Variants in HECTD4 observed in about 807,000 individuals in gnomAD.
The protein encoded by HECTD4 is HECT domain E3 ubiquitin protein ligase 4.
Under a neutral mutation model 471.5 loss-of-function variants are expected in HECTD4, and 114 were observed. That is an observed-to-expected ratio of 0.24 (90% CI 0.21 to 0.28). HECTD4 has a LOEUF of 0.28. Ranked by LOEUF, HECTD4 falls within the 10% of genes least tolerant of loss-of-function variation. The probability of loss-of-function intolerance (pLI) is 1.00; values close to 1 mark genes in which losing one functional copy is unlikely to be tolerated. For missense variants in HECTD4, 3,866 were observed against 5,651.5 expected (o/e 0.68, Z 10.13); for synonymous variants, 2,012 against 2,256.0 (o/e 0.89, Z 3.07).
At chr12:112,343,858 G>C (rs1377467998) in intron 1 of HECTD4, among the ~76,000 whole-genome samples, 1 of 152,124 alleles carries the variant, frequency 6.6e-6, no homozygotes, top group Non-Finnish European at 1.5e-5. Flanking sequence ...AAAAAATAAA[G>C]AGGCTGAGTG....
chr12:112,170,932 T>C, intron 68 of HECTD4, 185 bp downstream of exon 68: 1 of 543,944 alleles, frequency 1.8e-6, no homozygotes, highest in Non-Finnish European at 3.2e-6. Context: ...ACTTTTATAA[T>C]TAAAGTAACT....
At chr12:112,334,637 C>CAAAAAAAAAAA (rs869292531) in intron 1 of HECTD4, among the ~76,000 whole-genome samples, 14 of 45,226 alleles carry the variant, frequency 3.1e-4, no homozygotes, top group South Asian at 7.9e-4. Flanking sequence ...ACTAAAAATA[C>CAAAAAAAAAAA]AAAAAAAAAA....
intron 4 of HECTD4, 138 bp from the exon 5 acceptor site, chr12:112,309,807 G>T: frequency 1.9e-6 from 1 of 513,744 alleles, no homozygotes; most frequent in South Asian, 3.4e-5. Context: ...GCTTCAATGT[G>T]ACTTTCAGGG....
chr12:112,317,231 A>C (rs561858136), intron 2 of HECTD4, among the ~76,000 whole-genome samples: 1 of 152,382 alleles, frequency 6.6e-6, no homozygotes, highest in South Asian at 2.1e-4. Context: ...AGTACCACAC[A>C]ATGACTCTAG....
chr12:112,323,136 G>GGGA (rs2035619817), intron 1 of HECTD4: 1 of 172,544 alleles, frequency 5.8e-6, no homozygotes, highest in Non-Finnish European at 1.2e-5. Flanking sequence ...CCAGCACTTA[G>GGGA]GGAGGAGGAG....
chr12:112,351,357 G>A lies in HECTD4; in HGVS notation c.177+30595C>T, dbSNP rs181546186. On this transcript the variant is annotated intron_variant, in intron 1 of 75. Coordinates refer to ENST00000682272, the MANE Select transcript of HECTD4 (RefSeq NM_001388303.1). ...ATCTCTAACCAAATGTGCAGGGCAG[G>A]GCAGGTTTGCATCTGCCAGGACACA... 1.4e-4 allele frequency among the ~76,000 whole-genome samples: 21 copies of A among 152,260 alleles called. No homozygotes were observed. In the East Asian group the frequency reaches 3.9e-3, roughly 28 times the overall value.
rs767409810 is a variant in HECTD4, at chr12:112,193,519, C to A, written c.8905G>T (p.Gly2969Cys). 8.1e-5 allele frequency: 130 copies of A among 1,612,336 alleles called. 2 individuals carry two copies. Among genetic ancestry groups the A allele is most frequent in the South Asian group, 7.7e-4 (70 of 90,532 alleles). ...NVAITRTLHQGEESLLELTKQ... is the reference protein window; with the variant it reads ...NVAITRTLHQCEESLLELTKQ... ...GTCAGCTCTAAAAGGCTCTCCTCGC[C>A]CTGGTGCAGGGTCCGGGTGATGGCC... The change falls in exon 57 of 76, where the codon GGC (glycine) becomes TGC (cysteine). Residue 2969 changes from glycine (G) to cysteine (C), a missense_variant. Around this residue, in one of 16 missense-constraint regions of HECTD4, gnomAD observed 364 missense variants for 413.2 expected, o/e 0.88. Transcript: ENST00000682272. This position sits in a 1 kb window ranked among gnomAD's most constrained non-coding sequence, Gnocchi z 5.2.
At chr12:112,378,890 A>G (rs2036834552) in intron 1 of HECTD4, among the ~76,000 whole-genome samples, 1 of 152,164 alleles carries the variant, frequency 6.6e-6, no homozygotes, top group African/African-American at 2.4e-5. Flanking sequence ...AAAAATACAA[A>G]AATTAGCTGG....
intron 1 of HECTD4, among the ~76,000 whole-genome samples, chr12:112,364,019 C>CAAAAAAAAAAAAAAAAAAAAAAAA (rs2036509702): frequency 8.4e-6 from 1 of 118,554 alleles, no homozygotes; most frequent in African/African-American, 3.3e-5. Context: ...AAAAAAAAAT[C>CAAAAAAAAAAAAAAAAAAAAAAAA]AAAGGTCGTG....
chr12:112,273,867 G>C (rs1439986200), intron 10 of HECTD4, 72 bp from the exon 11 acceptor site: 19 of 1,538,786 alleles, frequency 1.2e-5, no homozygotes, highest in Non-Finnish European at 1.6e-5. Flanking sequence ...CACAAGCACT[G>C]CTACAAAGTG....
chr12:112,280,094 G>T (rs1475794609), intron 8 of HECTD4, among the ~76,000 whole-genome samples: 1 of 152,106 alleles, frequency 6.6e-6, no homozygotes, highest in East Asian at 1.9e-4. Flanking sequence ...TTCTTGACAG[G>T]CTTGTGATAT....
chr12:112,275,569 A>G (rs191437423), intron 9 of HECTD4, among the ~76,000 whole-genome samples: 11 of 152,252 alleles, frequency 7.2e-5, no homozygotes, highest in African/African-American at 2.6e-4. Context: ...TACCTTATAT[A>G]GTTATTTTAA....
In HECTD4 at chr12:112,216,917, G is replaced by A. The variant is rs761593797; in HGVS notation, c.7241C>T (p.Pro2414Leu). 5 of 1,613,584 alleles carry A rather than the reference G, an allele frequency of 3.1e-6. No individual in the cohort carries two copies. The highest frequency in any genetic ancestry group is 4.2e-6 in the Non-Finnish European group (5 of 1,179,532). ...YATSPLPVQA[P>L]SFYWEIEIVS... ...GATTTCAATTTCCCAGTAAAAAGACGGGGCCTGAAGAGATGCCAGAAGAGA... is the reference window on the plus strand; with the variant it reads ...GATTTCAATTTCCCAGTAAAAAGACAGGGCCTGAAGAGATGCCAGAAGAGA... The change falls in exon 47 of 76, where the codon CCG (proline) becomes CTG (leucine). Residue 2414 changes from proline (P) to leucine (L), a missense_variant. Pro to Leu is a moderately conservative substitution (Grantham distance 98). Transcript: ENST00000682272.
In HECTD4 at chr12:112,368,357, G is replaced by A. The variant is rs182350076; in HGVS notation, c.177+13595C>T. ...TATTAAAATCCCTCGAAATTATAAAGTAGTAACAGTAATAAGTCACAGAAA... is the reference window on the plus strand; with the variant it reads ...TATTAAAATCCCTCGAAATTATAAAATAGTAACAGTAATAAGTCACAGAAA... On this transcript the variant is annotated intron_variant, in intron 1 of 75. Transcript: ENST00000682272. Among the ~76,000 whole-genome samples the A allele has an allele frequency of 4.5e-3, 678 of 152,286 alleles. 3 individuals carry two copies. Among genetic ancestry groups the A allele is most frequent in the Non-Finnish European group, 7.7e-3 (522 of 68,026 alleles).
chr12:112,272,335 C>T (rs1345393568), intron 11 of HECTD4, among the ~76,000 whole-genome samples: 3 of 152,238 alleles, frequency 2.0e-5, no homozygotes, highest in Non-Finnish European at 4.4e-5. Context: ...CAGGTGTGGG[C>T]CACAGCGCCT....
In HECTD4 at chr12:112,235,329, A is replaced by C; in HGVS notation, c.5726-63T>G. 1.3e-6 allele frequency: 2 copies of C among 1,536,412 alleles called. No individual in the cohort carries two copies. Among genetic ancestry groups the C allele is most frequent in the South Asian group, 1.2e-5 (1 of 80,278 alleles). ...AGTGTTGTTTTGGCGGCTCTGCTAA[A>C]ATGAAAAATAATGGTTTGGGATTTG... On this transcript the variant is annotated intron_variant, in intron 36 of 75. Coordinates refer to ENST00000682272, the MANE Select transcript of HECTD4 (RefSeq NM_001388303.1). The surrounding 1 kb of genome is among the most constrained non-coding windows in gnomAD (Gnocchi z 5.0).
chr12:112,312,128 C>CTCTCTGTCCCACACCTGATGAAACCAT (rs2035386363), intron 4 of HECTD4, among the ~76,000 whole-genome samples: 1 of 149,796 alleles, frequency 6.7e-6, no homozygotes, highest in African/African-American at 2.6e-5. Flanking sequence ...GAGGAACAGA[C>CTCTCTGTCCCACACCTGATGAAACCAT]TCTCTGTCCC....
chr12:112,382,204 C>T lies in HECTD4; in HGVS notation c.-76G>A. 1 of 1,141,412 alleles carries T rather than the reference C, an allele frequency of 8.8e-7. No homozygotes were observed. Among genetic ancestry groups the T allele is most frequent in the Non-Finnish European group, 1.1e-6 (1 of 912,008 alleles). 70.7% of individuals were successfully genotyped at this position (1,141,412 alleles called of 1,614,324 possible). ...ACGGAGCAGGAGCCGCCGCGATCACCAGTCCATGGCAGCGGCCGCCGCGCC... is the reference window on the plus strand; with the variant it reads ...ACGGAGCAGGAGCCGCCGCGATCACTAGTCCATGGCAGCGGCCGCCGCGCC... On this transcript the variant is annotated 5_prime_UTR_variant, in exon 1 of 76. It introduces an in-frame stop codon into an upstream open reading frame of the 5' UTR. Transcript: ENST00000682272.
rs1218195643 is a variant in HECTD4, at chr12:112,183,094, C to T, written c.10952G>A (p.Gly3651Glu). The T allele has an allele frequency of 6.2e-7, 1 of 1,613,608 alleles. No individual in the cohort carries two copies. Among genetic ancestry groups the T allele is most frequent in the Admixed American group, 1.7e-5 (1 of 60,020 alleles). ...CTTATCATTGAAATAATCTTCTAAC[C>T]CTGGGCTCCCTTGAGTATCAAAGAG... is the stretch of plus-strand genomic sequence containing the variant. The part of the protein sequence containing the change: ...QSLFDTQGSP[G>E]LEDYFNDKSI... Residue 3651 changes from glycine to glutamate, a missense_variant, in exon 62 of 76, where the codon GGG becomes GAG. By Grantham distance (98) the Gly-to-Glu change is moderately conservative. This residue lies in a region of HECTD4 where 715 missense variants were observed against 1,087.6 expected (regional missense o/e 0.66). Coordinates refer to ENST00000682272, the MANE Select transcript of HECTD4 (RefSeq NM_001388303.1).
Sources: allele counts gnomAD v4.1 joint callset (sites outside exome capture counted in the v4.1 genomes callset), GRCh38; gene constraint gnomAD v4.1.1; regional missense constraint gnomAD v4.1.1; non-coding constraint Gnocchi (gnomAD v3.1); transcripts MANE v1.5; gene names NCBI Gene and HGNC (gene_info 2026-07-23, HGNC 2026-07-21).